HCRTR2: variants seen among roughly 807,000 people sequenced by gnomAD.
HCRTR2 encodes hypocretin receptor 2, also known as orexin receptor type 2.
HCRTR2 carries 22 observed loss-of-function variants against 49.0 expected under a neutral mutation model. That is an observed-to-expected ratio of 0.45 (90% confidence interval 0.32 to 0.64). HCRTR2 has a LOEUF of 0.64. Ranked by LOEUF, HCRTR2 falls within the 30% of genes least tolerant of loss-of-function variation. HCRTR2 has a pLI of 0.04. For missense variants in HCRTR2, 491 were observed against 559.4 expected (o/e 0.88, Z 1.23); for synonymous variants, 236 against 205.3 (o/e 1.15, Z -1.28).
intron 1 of HCRTR2, among the ~76,000 whole-genome samples, chr6:55,112,727 A>G (rs1055368324): frequency 1.3e-5 from 2 of 152,002 alleles, no homozygotes; most frequent in African/African-American, 4.8e-5. Flanking sequence ...AAAGCGATCT[A>G]CAAGTTCAAT....
At chr6:55,228,998 T>C (rs964541268) in intron 1 of HCRTR2, among the ~76,000 whole-genome samples, 3 of 152,152 alleles carry the variant, frequency 2.0e-5, no homozygotes, top group Non-Finnish European at 2.9e-5. Flanking sequence ...TTGGTTACTG[T>C]GCATGTGGAC....
chr6:55,134,454 TTG>T (rs979546193), intron 1 of HCRTR2, among the ~76,000 whole-genome samples: 6 of 150,312 alleles, frequency 4.0e-5, no homozygotes, highest in Admixed American at 2.0e-4. Flanking sequence ...TAGGTACCAT[TTG>T]TGTGTGTGTG....
At chr6:55,107,609 T>TA (rs1427699447) in intron 1 of HCRTR2, among the ~76,000 whole-genome samples, 3 of 152,066 alleles carry the variant, frequency 2.0e-5, no homozygotes, top group Non-Finnish European at 4.4e-5. Flanking sequence ...GTCTAATCTT[T>TA]AAAAAAATGT....
At chr6:55,276,941 A>AT (rs1767087630) in intron 4 of HCRTR2, among the ~76,000 whole-genome samples, 1 of 152,192 alleles carries the variant, frequency 6.6e-6, no homozygotes, top group Non-Finnish European at 1.5e-5. Flanking sequence ...CTGGCAGCAG[A>AT]TGGCAGTATT....
chr6:55,165,384 G>A (rs1197996145), intron 1 of HCRTR2, among the ~76,000 whole-genome samples: 2 of 152,030 alleles, frequency 1.3e-5, no homozygotes, highest in Non-Finnish European at 2.9e-5. Flanking sequence ...AATGGGAAAA[G>A]TAAAGTCCTT....
chr6:55,246,001 T>C (rs1766436341), intron 1 of HCRTR2, among the ~76,000 whole-genome samples: 1 of 151,972 alleles, frequency 6.6e-6, no homozygotes. Flanking sequence ...TATGAGATGA[T>C]GGCCATGTGA....
intron 1 of HCRTR2, among the ~76,000 whole-genome samples, chr6:55,220,430 A>G (rs1765869169): frequency 6.6e-6 from 1 of 152,200 alleles, no homozygotes; most frequent in Non-Finnish European, 1.5e-5. Context: ...GTGATACACT[A>G]TATTAACAGA....
intron 4 of HCRTR2, among the ~76,000 whole-genome samples, chr6:55,274,072 G>GA (rs200573826): frequency 0.016 from 2,343 of 151,156 alleles, 71 homozygotes; most frequent in African/African-American, 0.054. Flanking sequence ...TTCATTTCCA[G>GA]AAAAAAGACT....
chr6:55,226,564 C>T (rs953729383), intron 1 of HCRTR2, among the ~76,000 whole-genome samples: 1 of 152,092 alleles, frequency 6.6e-6, no homozygotes, highest in Admixed American at 6.5e-5. Flanking sequence ...ACACCTTGGC[C>T]TCCCAAAGTG....
rs778947159 is a variant in HCRTR2, at chr6:55,263,738, T to C, written c.678T>C (p.Cys226=). Residue 226 remains cysteine (C), a synonymous_variant, in exon 4 of 7, where the codon TGT becomes TGC. Coordinates refer to ENST00000370862, the MANE Select transcript of HCRTR2 (RefSeq NM_001384272.1). ...GEIYPKMYHI[C]FFLVTYMAPL... ...TTTATCCCAAGATGTACCACATCTG[T>C]TTCTTTCTGGTGACATACATGGCAC... is the stretch of plus-strand genomic sequence containing the variant. 4 of 1,612,078 alleles carry C rather than the reference T, an allele frequency of 2.5e-6. No homozygotes were observed. The South Asian group carries it at 4.4e-5, about 18-fold the overall frequency.
At chr6:55,274,246 T>C (rs1172948408) in intron 4 of HCRTR2, among the ~76,000 whole-genome samples, 3 of 147,366 alleles carry the variant, frequency 2.0e-5, no homozygotes, top group South Asian at 2.1e-4. Flanking sequence ...TCAGTATATA[T>C]ATATATATAT....
At chr6:55,163,012 G>C (rs562505787) in intron 1 of HCRTR2, among the ~76,000 whole-genome samples, 1 of 152,126 alleles carries the variant, frequency 6.6e-6, no homozygotes. Context: ...ACTTTGGGAG[G>C]CCAAGGCAGG....
downstream of HCRTR2, among the ~76,000 whole-genome samples, chr6:55,282,860 A>G (rs1453148272): frequency 1.3e-5 from 2 of 152,166 alleles, no homozygotes; most frequent in African/African-American, 4.8e-5. Context: ...CTAATTCTGA[A>G]TTAACAATAG....
At chr6:55,134,159 T>C (rs1561982482) in intron 1 of HCRTR2, among the ~76,000 whole-genome samples, 1 of 151,912 alleles carries the variant, frequency 6.6e-6, no homozygotes, top group Admixed American at 6.6e-5. Context: ...ATCTAGTGAA[T>C]TTCATAAGTT....
chr6:55,220,929 C>T (rs1765877774), intron 1 of HCRTR2, among the ~76,000 whole-genome samples: 1 of 152,098 alleles, frequency 6.6e-6, no homozygotes, highest in South Asian at 2.1e-4. Context: ...CTGAAAAAGA[C>T]ATTACAATCC....
intron 1 of HCRTR2, among the ~76,000 whole-genome samples, chr6:55,177,866 G>A (rs1474356066): frequency 2.0e-5 from 3 of 152,078 alleles, no homozygotes; most frequent in Non-Finnish European, 4.4e-5. Flanking sequence ...GTTTTAAATA[G>A]AATGTTATGA....
chr6:55,217,899 C>G (rs1229277111), intron 1 of HCRTR2, among the ~76,000 whole-genome samples: 1 of 152,126 alleles, frequency 6.6e-6, no homozygotes, highest in Non-Finnish European at 1.5e-5. Context: ...GTTACCAAAG[C>G]CTGTATTAGG....
At position 55,193,582 on chromosome 6, in the gene HCRTR2, T is replaced by A. The variant is rs192159044; in HGVS notation, c.223+18772T>A. On this transcript the variant is annotated intron_variant, in intron 1 of 6. Coordinates refer to ENST00000370862, the MANE Select transcript of HCRTR2 (RefSeq NM_001384272.1). ...ATTCCAAGCATCAAACCTTGGGATT[T>A]ATTTACCTTCTAGCAAACCAAAATT... is the stretch of plus-strand genomic sequence containing the variant. 3.6e-3 allele frequency among the ~76,000 whole-genome samples: 549 copies of A among 151,942 alleles called. 5 individuals are homozygous for A. Among genetic ancestry groups the A allele is most frequent in the African/African-American group, 0.013 (519 of 41,490 alleles).
Position 55,200,082 on chromosome 6 carries a change from C to G in HCRTR2, c.223+25272C>G, listed in dbSNP as rs142018935. Among the ~76,000 whole-genome samples, 210 of 152,292 alleles carry G rather than the reference C, an allele frequency of 1.4e-3. 2 individuals carry two copies. The highest frequency in any genetic ancestry group is 3.7e-3 in the African/African-American group (154 of 41,578). On this transcript the variant is annotated intron_variant, in intron 1 of 6. Transcript: ENST00000370862. ...CAGATATCTCCACCTATCAGACCCA[C>G]CCTGTTGTAATAACAAGATTAAAAT...
Sources: allele counts gnomAD v4.1 joint callset (sites outside exome capture counted in the v4.1 genomes callset), GRCh38; gene constraint gnomAD v4.1.1; transcripts MANE v1.5; gene names NCBI Gene and HGNC (gene_info 2026-07-23, HGNC 2026-07-21).